The following GRID1 variants were observed in gnomAD, a reference collection of about 807,000 sequenced individuals.
The protein encoded by GRID1 is glutamate ionotropic receptor delta type subunit 1.
GRID1 carries 28 observed loss-of-function variants against 98.0 expected under a neutral mutation model. That is an observed-to-expected ratio of 0.29 (90% CI 0.21 to 0.39). The LOEUF (loss-of-function observed/expected upper bound fraction) is 0.39. GRID1 is among the 10% of genes least tolerant of loss of function. GRID1 has a pLI of 1.00. For missense variants in GRID1, 1,111 were observed against 1,340.5 expected, an observed-to-expected ratio of 0.83 and a Z score of 2.67; for synonymous variants, 553 against 538.5, an observed-to-expected ratio of 1.03 and a Z score of -0.37.
intron 4 of GRID1, among the ~76,000 whole-genome samples, chr10:86,051,308 C>CAA (rs374035221): frequency 0.1 from 10,470 of 104,144 alleles, 470 homozygotes; most frequent in East Asian, 0.18. Flanking sequence ...AATTATATAC[C>CAA]AAAAAAAAAA....
chr10:86,160,498 G>C (rs1241184407), intron 3 of GRID1, among the ~76,000 whole-genome samples: 1 of 152,230 alleles, frequency 6.6e-6, no homozygotes, highest in East Asian at 1.9e-4. Context: ...ATTCAGAGTG[G>C]AGGGGAAGAA....
chr10:86,351,466 C>A (rs1848461143), intron 2 of GRID1, among the ~76,000 whole-genome samples: 1 of 152,204 alleles, frequency 6.6e-6, no homozygotes, highest in South Asian at 2.1e-4. Context: ...AGCACAGGCC[C>A]CCCTACAAGG....
chr10:86,233,793 G>A (rs1846494093), intron 2 of GRID1, among the ~76,000 whole-genome samples: 1 of 152,132 alleles, frequency 6.6e-6, no homozygotes, highest in Non-Finnish European at 1.5e-5. Context: ...CGTGACTGGA[G>A]ACAATTGGGC....
intron 2 of GRID1, among the ~76,000 whole-genome samples, chr10:86,285,669 GC>G (rs1847420993): frequency 6.6e-6 from 1 of 152,164 alleles, no homozygotes; most frequent in African/African-American, 2.4e-5. Flanking sequence ...AGATGAGGGC[GC>G]AGCTGTAGGT....
intron 8 of GRID1, among the ~76,000 whole-genome samples, chr10:85,821,516 C>CAAAAAAAAAAAAAAAA (rs1157209045): frequency 2.2e-4 from 2 of 9,114 alleles, no homozygotes; most frequent in Non-Finnish European, 5.4e-4. Flanking sequence ...GACTTCATCT[C>CAAAAAAAAAAAAAAAA]AAAAAAAAAA....
intron 11 of GRID1, 80 bp from the exon 12 acceptor site, chr10:85,723,221 C>G: frequency 7.1e-7 from 1 of 1,399,290 alleles, no homozygotes; most frequent in Non-Finnish European, 9.6e-7. Context: ...TGCCCTGCAG[C>G]CAGGCACACA....
intron 8 of GRID1, among the ~76,000 whole-genome samples, chr10:85,749,220 A>C (rs1409412954): frequency 1.3e-5 from 2 of 152,162 alleles, no homozygotes; most frequent in African/African-American, 4.8e-5. Context: ...AGTTCTAACA[A>C]ATGGGAATGT....
intron 4 of GRID1, among the ~76,000 whole-genome samples, chr10:86,089,407 A>G (rs1844111563): frequency 6.6e-6 from 1 of 152,182 alleles, no homozygotes; most frequent in Non-Finnish European, 1.5e-5. Context: ...TCATTTGACA[A>G]TAATGAGACA....
intron 4 of GRID1, among the ~76,000 whole-genome samples, chr10:86,135,951 T>C (rs1564686346): frequency 6.6e-6 from 1 of 152,234 alleles, no homozygotes; most frequent in African/African-American, 2.4e-5. Context: ...AGCTCATCTG[T>C]ACCATCCCGG....
chr10:85,809,969 A>C (rs1164904196), intron 8 of GRID1, among the ~76,000 whole-genome samples: 4 of 152,178 alleles, frequency 2.6e-5, no homozygotes. Flanking sequence ...GCTGCTTTTC[A>C]CTGGATTAGG....
chr10:85,626,103 G>GT, intron 13 of GRID1, among the ~76,000 whole-genome samples: 1 of 152,374 alleles, frequency 6.6e-6, no homozygotes, highest in East Asian at 1.9e-4. Flanking sequence ...GGTGCCTGTA[G>GT]TGCCAGGTGC....
chr10:85,869,762 C>G (rs1021054854), intron 5 of GRID1, among the ~76,000 whole-genome samples: 7 of 152,206 alleles, frequency 4.6e-5, no homozygotes, highest in Non-Finnish European at 1.0e-4. Flanking sequence ...CAGGCCCTAT[C>G]CTGTCCCATA....
intron 3 of GRID1, among the ~76,000 whole-genome samples, chr10:86,150,642 A>C (rs1845152297): frequency 6.6e-6 from 1 of 152,208 alleles, no homozygotes; most frequent in African/African-American, 2.4e-5. Context: ...CATGCTACAG[A>C]CTGAATGTTT....
chr10:85,882,358 G>A (rs1306584832), intron 5 of GRID1, among the ~76,000 whole-genome samples: 3 of 152,106 alleles, frequency 2.0e-5, no homozygotes, highest in Admixed American at 6.5e-5. Flanking sequence ...CAATAGCAAA[G>A]ACTTGGAACC....
chr10:86,061,498 C>T (rs1266252363), intron 4 of GRID1, among the ~76,000 whole-genome samples: 2 of 152,344 alleles, frequency 1.3e-5, no homozygotes, highest in Admixed American at 6.5e-5. Flanking sequence ...CTGTCCTGCT[C>T]ACCACTGCCA....
intron 4 of GRID1, among the ~76,000 whole-genome samples, chr10:86,023,599 C>CCTGCA (rs1843077982): frequency 6.6e-6 from 1 of 152,108 alleles, no homozygotes; most frequent in Non-Finnish European, 1.5e-5. Context: ...GCTGACAATA[C>CCTGCA]CTGCACACAT....
At chr10:86,163,478 A>C (rs899203141) in intron 3 of GRID1, among the ~76,000 whole-genome samples, 3 of 149,968 alleles carry the variant, frequency 2.0e-5, no homozygotes, top group Non-Finnish European at 4.4e-5. Flanking sequence ...TTTGCTACAT[A>C]TGTATACATA....
At chr10:86,284,760 G>A (rs1179990185) in intron 2 of GRID1, among the ~76,000 whole-genome samples, 1 of 152,262 alleles carries the variant, frequency 6.6e-6, no homozygotes, top group African/African-American at 2.4e-5. Context: ...GCCATCCACT[G>A]TCAGGAGCCA....
At chr10:85,940,248 A>T (rs1283743486) in intron 4 of GRID1, among the ~76,000 whole-genome samples, 1 of 151,522 alleles carries the variant, frequency 6.6e-6, no homozygotes. Flanking sequence ...AGTCCCCAAG[A>T]CTCTCTTGTT....
Sources: gnomAD v4.1 joint callset for allele counts (sites outside exome capture counted in the v4.1 genomes callset) on GRCh38, gnomAD v4.1.1 for gene constraint, MANE v1.5 for transcripts, NCBI Gene and HGNC (gene_info 2026-07-23, HGNC 2026-07-21) for gene names.